CCAR1: variants seen among roughly 807,000 people sequenced by gnomAD.
The protein encoded by CCAR1 is cell division cycle and apoptosis regulator 1.
Under a neutral mutation model 163.8 loss-of-function variants are expected in CCAR1, and 78 were observed. The ratio of observed to expected loss-of-function variants is 0.48; its 90% CI spans 0.40 to 0.57. CCAR1 has a LOEUF of 0.57. Among genes scored for constraint, CCAR1 ranks in the 20% least tolerant of loss-of-function variants. CCAR1 has a pLI of 0.00. For synonymous variants in CCAR1, 443 were observed against 460.7 expected, an observed-to-expected ratio of 0.96 and a Z score of 0.49; for missense variants, 1,019 against 1,365.2, an observed-to-expected ratio of 0.75 and a Z score of 4.00.
chr10:68,730,261 T>C (rs1408356047), intron 2 of CCAR1, among the ~76,000 whole-genome samples: 3 of 151,064 alleles, frequency 2.0e-5, no homozygotes, highest in African/African-American at 7.3e-5. Context: ...CAATAAATTA[T>C]GTTAATAGTA....
chr10:68,730,920 TG>T (rs1399759814), intron 2 of CCAR1, among the ~76,000 whole-genome samples: 2 of 152,136 alleles, frequency 1.3e-5, no homozygotes, highest in Non-Finnish European at 2.9e-5. Context: ...CTCAAATTGC[TG>T]GGCTCAAGCA....
intron 4 of CCAR1, 91 bp from the exon 5 acceptor site, chr10:68,740,538 A>G: frequency 9.5e-7 from 1 of 1,049,202 alleles, no homozygotes; most frequent in Non-Finnish European, 1.5e-6. Context: ...AAGTAGAATA[A>G]CTTTTATAGG....
intron 8 of CCAR1, among the ~76,000 whole-genome samples, chr10:68,748,535 C>G (rs1249055417): frequency 5.1e-5 from 7 of 137,820 alleles, no homozygotes; most frequent in Admixed American, 7.9e-5. Flanking sequence ...ATCGCCAAGG[C>G]TAGAGTGCAG....
Position 68,789,903 on chromosome 10 carries a change from T to A in CCAR1, c.3381T>A (p.Thr1127=), listed in dbSNP as rs1240020698. Residue 1127 remains threonine (T), a synonymous_variant, in exon 24 of 25, where the codon ACT becomes ACA. Transcript: ENST00000265872. ...NLSTVMDEIH[T]VLKKDNVKNE... ...CTACGGTAATGGATGAAATCCACAC[T>A]GTTCTCAAGAAGGTGAGAAATTTTG... 9 of 1,561,662 alleles carry A rather than the reference T, an allele frequency of 5.8e-6. No homozygotes were observed. The highest frequency in any genetic ancestry group is 1.4e-5 in the African/African-American group (1 of 72,344).
intron 1 of CCAR1, chr10:68,721,590 C>T (rs1280098074): frequency 2.2e-6 from 1 of 449,316 alleles, no homozygotes; most frequent in South Asian, 1.6e-5. Context: ...GCGGTTTTAC[C>T]CTCCTGGCCC....
chr10:68,787,375 C>G (rs2056806993), intron 21 of CCAR1, among the ~76,000 whole-genome samples: 1 of 152,056 alleles, frequency 6.6e-6, no homozygotes, highest in African/African-American at 2.4e-5. Context: ...CATAATTTAC[C>G]TACCTAGTCT....
chr10:68,762,125 C>G (rs1000568659), intron 16 of CCAR1, among the ~76,000 whole-genome samples: 1 of 151,512 alleles, frequency 6.6e-6, no homozygotes, highest in Admixed American at 6.6e-5. Context: ...GTCAGGAGAT[C>G]GAGACCGTCC....
chr10:68,772,181 A>G (rs974864496), intron 18 of CCAR1, among the ~76,000 whole-genome samples: 4 of 152,032 alleles, frequency 2.6e-5, no homozygotes, highest in Non-Finnish European at 4.4e-5. Flanking sequence ...ACCCAGCCTA[A>G]TTATTATTAT....
chr10:68,785,324 G>A (rs1403537978), intron 19 of CCAR1, among the ~76,000 whole-genome samples: 28 of 151,604 alleles, frequency 1.8e-4, no homozygotes, highest in Non-Finnish European at 1.0e-4. Context: ...AGGCTCAAGT[G>A]ATTCTCCCAT....
Position 68,771,324 on chromosome 10 carries a change from G to A in CCAR1, c.2417G>A (p.Ser806Asn), listed in dbSNP as rs3208119. Residue 806 changes from serine to asparagine, a missense_variant, in exon 18 of 25, where the codon AGC becomes AAC. Physicochemically the swap from Ser to Asn is conservative, Grantham distance 46. Around this residue, in one of 4 missense-constraint regions of CCAR1, gnomAD observed 358 missense variants for 406.4 expected, o/e 0.88. Coordinates refer to ENST00000265872, the MANE Select transcript of CCAR1 (RefSeq NM_018237.4). ...KEDKKEKDKK[S>N]KKDERKDKKE... The stretch of plus-strand genomic sequence containing the variant: ...GACAAAAAAGAAAAGGATAAAAAAA[G>A]CAAAAAAGATGAGAGAAAAGATAAA... 11 of 1,608,824 alleles carry A rather than the reference G, an allele frequency of 6.8e-6. No individual in the cohort carries two copies. The highest frequency in any genetic ancestry group is 2.2e-5 in the East Asian group (1 of 44,814).
At chr10:68,788,455 C>T (rs972678341) in intron 23 of CCAR1, 127 bp downstream of exon 23, 77 of 532,890 alleles carry the variant, frequency 1.4e-4, no homozygotes, top group Middle Eastern at 6.2e-4. Flanking sequence ...ATATTTTCAT[C>T]GAAGTACATA....
intron 19 of CCAR1, among the ~76,000 whole-genome samples, chr10:68,779,776 A>C (rs987677308): frequency 2.0e-5 from 3 of 152,196 alleles, no homozygotes; most frequent in African/African-American, 7.2e-5. Context: ...AAAACTATGG[A>C]ATCAATCTGA....
At chr10:68,731,109 A>G (rs998358445) in intron 2 of CCAR1, among the ~76,000 whole-genome samples, 2 of 152,230 alleles carry the variant, frequency 1.3e-5, no homozygotes, top group African/African-American at 2.4e-5. Flanking sequence ...ACCTTTGACA[A>G]TCATATTGAA....
Position 68,769,882 on chromosome 10 carries a change from A to G in CCAR1, c.2299-1324A>G, listed in dbSNP as rs1318783241. Among the ~76,000 whole-genome samples, 3 of 149,154 alleles carry G rather than the reference A, an allele frequency of 2.0e-5. No individual in the cohort carries two copies. In the East Asian group the frequency reaches 6.0e-4, roughly 30 times the overall value. On this transcript the variant is annotated intron_variant, in intron 17 of 24. Transcript: ENST00000265872. The stretch of plus-strand genomic sequence containing the variant: ...TGTGAATTGGCGAGGCGGAGCTTGC[A>G]GTGAGCCGAAATTCCGCCACTGCAC...
chr10:68,778,574 C>T (rs1269726355), intron 19 of CCAR1, among the ~76,000 whole-genome samples: 7 of 151,032 alleles, frequency 4.6e-5, no homozygotes, highest in African/African-American at 7.3e-5. Context: ...TTATTACATA[C>T]TCTTTATTTT....
chr10:68,757,483 C>T (rs1254206014), intron 15 of CCAR1, 106 bp downstream of exon 15: 3 of 586,706 alleles, frequency 5.1e-6, no homozygotes, highest in East Asian at 3.3e-5. Context: ...GGCGCGATCT[C>T]GGCTCACTTC....
At chr10:68,734,699 G>GT (rs2133317342) in intron 2 of CCAR1, among the ~76,000 whole-genome samples, 1 of 152,052 alleles carries the variant, frequency 6.6e-6, no homozygotes, top group Non-Finnish European at 1.5e-5. Flanking sequence ...TAATTCCTGC[G>GT]TTTAATTCAG....
At chr10:68,742,229 T>G in intron 5 of CCAR1, 147 bp from the exon 6 acceptor site, 2 of 577,542 alleles carry the variant, frequency 3.5e-6, no homozygotes, top group Non-Finnish European at 5.9e-6. Flanking sequence ...TATAGTTTAA[T>G]TTTAGACCTG....
intron 23 of CCAR1, among the ~76,000 whole-genome samples, 164 bp downstream of exon 23, chr10:68,788,492 T>G (rs2133439958): frequency 6.6e-6 from 1 of 152,270 alleles, no homozygotes; most frequent in South Asian, 2.1e-4. Flanking sequence ...TTTTTATTAT[T>G]TATTTGTTTT....
Sources: gnomAD v4.1 joint callset for allele counts (sites outside exome capture counted in the v4.1 genomes callset) on GRCh38, gnomAD v4.1.1 for gene constraint, gnomAD v4.1.1 regional missense constraint, MANE v1.5 for transcripts, NCBI Gene and HGNC (gene_info 2026-07-23, HGNC 2026-07-21) for gene names.